Variants in NRG1 observed in about 807,000 individuals in gnomAD.
NRG1 encodes the protein neuregulin 1, also known as pro-neuregulin-1, membrane-bound isoform.
NRG1 carries 18 observed loss-of-function variants against 63.8 expected under a neutral mutation model. The ratio of observed to expected loss-of-function variants is 0.28; its 90% CI spans 0.19 to 0.42. The LOEUF is 0.42. Ranked by LOEUF, NRG1 falls within the 10% of genes least tolerant of loss-of-function variation. The probability of loss-of-function intolerance (pLI) is 1.00; values close to 1 mark genes in which losing one functional copy is unlikely to be tolerated. For synonymous variants in NRG1, 302 were observed against 301.3 expected, an observed-to-expected ratio of 1.00 and a Z score of -0.02; for missense variants, 762 against 814.7, an observed-to-expected ratio of 0.94 and a Z score of 0.79.
At chr8:32,127,545 G>A (rs1834254259) in intron 1 of NRG1, among the ~76,000 whole-genome samples, 1 of 151,462 alleles carries the variant, frequency 6.6e-6, no homozygotes, top group Admixed American at 6.6e-5. Flanking sequence ...GTGTGTGTGT[G>A]TGTGTGTGTG....
chr8:31,873,496 T>C lies in NRG1; in HGVS notation c.37+234065T>C, dbSNP rs143736670. The stretch of plus-strand genomic sequence containing the variant: ...ATCGCTTGAACCTGGGAGGCGGAGA[T>C]TGCAGTGAGCTGAGATCAGACCACT... On this transcript the variant is annotated intron_variant, in intron 1 of 10. Transcript: ENST00000519301. Among the ~76,000 whole-genome samples, 1,308 of 152,236 alleles carry C rather than the reference T, an allele frequency of 8.6e-3. 58 individuals carry two copies. In the South Asian group the frequency reaches 0.13, roughly 15 times the overall value.
chr8:32,245,036 A>G (rs1027490023), intron 1 of NRG1, among the ~76,000 whole-genome samples: 2 of 152,180 alleles, frequency 1.3e-5, no homozygotes, highest in African/African-American at 4.8e-5. Flanking sequence ...AGTCTCGGTT[A>G]GCTTTCCTCT....
chr8:31,855,837 G>A (rs889504124), intron 1 of NRG1, among the ~76,000 whole-genome samples: 1 of 152,226 alleles, frequency 6.6e-6, no homozygotes, highest in South Asian at 2.1e-4. Flanking sequence ...GCATTTGCTT[G>A]TCTGTAAAGT....
At chr8:32,370,487 A>G (rs780836798) in intron 1 of NRG1, among the ~76,000 whole-genome samples, 57 of 152,286 alleles carry the variant, frequency 3.7e-4, no homozygotes, top group Middle Eastern at 6.8e-3. Flanking sequence ...TGTGTATTAC[A>G]TATATTTTCA....
At chr8:31,683,071 C>CG (rs1315427352) in intron 1 of NRG1, among the ~76,000 whole-genome samples, 4 of 152,138 alleles carry the variant, frequency 2.6e-5, no homozygotes, top group African/African-American at 9.7e-5. Flanking sequence ...GAGAAACGAT[C>CG]TTCCTAGAGT....
At chr8:32,684,115 G>A (rs1459953887) in intron 5 of NRG1, among the ~76,000 whole-genome samples, 1 of 152,144 alleles carries the variant, frequency 6.6e-6, no homozygotes, top group Admixed American at 6.5e-5. Flanking sequence ...GCAGTGAGCA[G>A]AGATCATGAC....
chr8:32,466,610 G>A (rs911504547), intron 1 of NRG1, among the ~76,000 whole-genome samples: 1 of 152,116 alleles, frequency 6.6e-6, no homozygotes, highest in African/African-American at 2.4e-5. Flanking sequence ...GGATCATTGG[G>A]TGATTATGTC....
intron 1 of NRG1, among the ~76,000 whole-genome samples, chr8:31,956,531 C>G (rs327391): frequency 0.85 from 129,277 of 152,056 alleles, 55,789 homozygotes; most frequent in African/African-American, 0.96. Context: ...AGCTGAGGCA[C>G]GGGAATGGTG....
intron 1 of NRG1, among the ~76,000 whole-genome samples, chr8:32,161,957 C>T (rs1406193462): frequency 6.6e-6 from 1 of 152,198 alleles, no homozygotes; most frequent in Non-Finnish European, 1.5e-5. Context: ...ACACAGTCCC[C>T]ACCTGGCTTA....
At chr8:32,010,620 A>C (rs1201464567) in intron 1 of NRG1, among the ~76,000 whole-genome samples, 1 of 152,038 alleles carries the variant, frequency 6.6e-6, no homozygotes, top group East Asian at 1.9e-4. Context: ...TTAAAGTGTC[A>C]ATCAGTCAAA....
rs550534482 is a variant in NRG1 at position 32,154,547 on chromosome 8, C to T, written c.38-441281C>T. 9.2e-5 allele frequency among the ~76,000 whole-genome samples: 14 copies of T among 152,184 alleles called. No individual in the cohort carries two copies. In the East Asian group the frequency reaches 2.7e-3, roughly 29 times the overall value. ...TCCTCCTTCTCTCTTTATTTTCCTT[C>T]CTTCCTTCCTCTGCAAGGCCTTCTT... On this transcript the variant is annotated intron_variant, in intron 1 of 10. Coordinates refer to the NRG1 transcript ENST00000519301.
At chr8:32,379,990 G>T (rs753926106) in intron 1 of NRG1, among the ~76,000 whole-genome samples, 14 of 152,074 alleles carry the variant, frequency 9.2e-5, no homozygotes, top group African/African-American at 3.4e-4. Context: ...CTTCCTTACT[G>T]CACTGCTGTT....
intron 1 of NRG1, among the ~76,000 whole-genome samples, chr8:32,337,743 G>A (rs1487155): frequency 0.68 from 99,472 of 146,166 alleles, 33,724 homozygotes; most frequent in East Asian, 0.91. Flanking sequence ...CTTCTTACAT[G>A]GTAGTGCTAA....
At chr8:32,534,150 T>C (rs959286573) in intron 1 of NRG1, among the ~76,000 whole-genome samples, 9 of 152,200 alleles carry the variant, frequency 5.9e-5, no homozygotes, top group African/African-American at 1.7e-4. Flanking sequence ...ACTCAGAATA[T>C]GGTAATGAGG....
chr8:31,878,771 T>A (rs923576683), intron 1 of NRG1, among the ~76,000 whole-genome samples: 1 of 152,160 alleles, frequency 6.6e-6, no homozygotes, highest in African/African-American at 2.4e-5. Flanking sequence ...GACCTCAACT[T>A]GTTGCTGTCT....
chr8:32,195,666 C>T (rs1842885724), intron 1 of NRG1, among the ~76,000 whole-genome samples: 1 of 152,100 alleles, frequency 6.6e-6, no homozygotes, highest in Admixed American at 6.6e-5. Context: ...AATATCAGGC[C>T]ATTAGGTGTG....
intron 5 of NRG1, among the ~76,000 whole-genome samples, chr8:32,640,591 G>A (rs1406827903): frequency 7.2e-6 from 1 of 138,618 alleles, no homozygotes; most frequent in Non-Finnish European, 1.5e-5. Context: ...ATTTCCAGTG[G>A]AGTCCTTCAT....
intron 1 of NRG1, among the ~76,000 whole-genome samples, chr8:31,752,471 A>G (rs879856808): frequency 1.3e-5 from 2 of 152,084 alleles, no homozygotes; most frequent in Non-Finnish European, 1.5e-5. Context: ...GGGGGAGACC[A>G]ATTAGGAGAC....
chr8:32,108,046 T>C lies in NRG1; in HGVS notation c.37+468615T>C, dbSNP rs538415519. On this transcript the variant is annotated intron_variant, in intron 1 of 10. Coordinates refer to the NRG1 transcript ENST00000519301. ...ATAAAGTACTATGATTATATCTATATGAATATATATATAGGTGAATGTAGA... is the reference window on the plus strand; with the variant it reads ...ATAAAGTACTATGATTATATCTATACGAATATATATATAGGTGAATGTAGA... 1.4e-4 allele frequency among the ~76,000 whole-genome samples: 21 copies of C among 152,254 alleles called. No individual in the cohort carries two copies. In the South Asian group the frequency reaches 4.4e-3, roughly 32 times the overall value.
Sources: gnomAD v4.1 joint callset for allele counts (sites outside exome capture counted in the v4.1 genomes callset) on GRCh38, gnomAD v4.1.1 for gene constraint, MANE v1.5 for transcripts, NCBI Gene and HGNC (gene_info 2026-07-23, HGNC 2026-07-21) for gene names.